MINPP1: variants seen among roughly 807,000 people sequenced by gnomAD.
MINPP1 encodes the protein multiple inositol polyphosphate phosphatase 1.
In MINPP1, 28 loss-of-function variants were observed where a neutral mutation model predicts 46.1. The observed-to-expected ratio is 0.61, with a 90% CI of 0.45 to 0.83. The LOEUF is 0.83. Among genes scored for constraint, MINPP1 ranks in the 40% least tolerant of loss-of-function variants. The pLI is 0.00. For synonymous variants in MINPP1, 268 were observed against 249.1 expected (o/e 1.08, Z -0.72); for missense variants, 603 against 610.0 (o/e 0.99, Z 0.12).
intron 4 of MINPP1, among the ~76,000 whole-genome samples, chr10:87,545,955 G>C (rs1165862832): frequency 2.0e-5 from 3 of 152,142 alleles, no homozygotes; most frequent in Middle Eastern, 3.2e-3. Context: ...TGATCATGTC[G>C]TGGGGCAAAA....
intron 4 of MINPP1, among the ~76,000 whole-genome samples, chr10:87,545,531 T>A (rs1277591976): frequency 6.6e-6 from 1 of 152,200 alleles, no homozygotes; most frequent in African/African-American, 2.4e-5. Context: ...GTTTTCTTTT[T>A]AAAAAATTTA....
intron 3 of MINPP1, among the ~76,000 whole-genome samples, chr10:87,519,021 A>G (rs1851455426): frequency 6.6e-6 from 1 of 152,136 alleles, no homozygotes; most frequent in Non-Finnish European, 1.5e-5. Flanking sequence ...CCAGAAAGGC[A>G]GGAAGATTAG....
chr10:87,511,222 G>A (rs1851329892), intron 2 of MINPP1, among the ~76,000 whole-genome samples: 1 of 152,054 alleles, frequency 6.6e-6, no homozygotes, highest in African/African-American at 2.4e-5. Context: ...CCCTTTGCTT[G>A]TTGTATGTTG....
chr10:87,541,192 A>G lies in MINPP1; in HGVS notation c.1068-10890A>G, dbSNP rs561505480. On this transcript the variant is annotated intron_variant, in intron 4 of 4. Transcript: ENST00000371996. ...CAAACACAGCTATTTAAGAAGGATT[A>G]TATATTAGCTCTTTGGAAGCTCTTT... is the stretch of plus-strand genomic sequence containing the variant. 4.6e-5 allele frequency among the ~76,000 whole-genome samples: 7 copies of G among 152,340 alleles called. No homozygotes were observed. The East Asian group carries it at 1.3e-3, about 29-fold the overall frequency.
chr10:87,530,048 G>A (rs1851635321), intron 4 of MINPP1, among the ~76,000 whole-genome samples: 1 of 152,142 alleles, frequency 6.6e-6, no homozygotes, highest in Non-Finnish European at 1.5e-5. Flanking sequence ...ATGGTTTTCA[G>A]CTCCATCAGG....
At chr10:87,526,806 C>T (rs190106195) in intron 4 of MINPP1, among the ~76,000 whole-genome samples, 404 of 152,296 alleles carry the variant, frequency 2.7e-3, no homozygotes, top group African/African-American at 9.5e-3. Context: ...ATAGGGAATC[C>T]TTTCCCCATT....
chr10:87,513,278 T>G, intron 3 of MINPP1, 57 bp downstream of exon 3: 1 of 1,252,862 alleles, frequency 8.0e-7, no homozygotes, highest in East Asian at 2.3e-5. Context: ...TTTGGCTTGC[T>G]TGTTTGCATT....
At chr10:87,550,738 C>G (rs1247762827) in intron 4 of MINPP1, among the ~76,000 whole-genome samples, 1 of 151,850 alleles carries the variant, frequency 6.6e-6, no homozygotes, top group Admixed American at 6.6e-5. Flanking sequence ...CCCCTCCCCC[C>G]ACTTTCATCT....
Position 87,537,497 on chromosome 10 carries a change from A to G in MINPP1, c.1068-14585A>G, listed in dbSNP as rs570856679. 1.3e-4 allele frequency among the ~76,000 whole-genome samples: 5 copies of G among 37,938 alleles called. No homozygotes were observed. In the South Asian group the frequency reaches 3.1e-3, roughly 23 times the overall value. The allele number at this position is 37,938 out of a possible 152,430, so 24.9% of individuals were successfully genotyped here. A position where few individuals can be genotyped will look rare whatever the true frequency, so the allele number is the denominator to read the frequency against. The stretch of plus-strand genomic sequence containing the variant: ...ATTTTGTGTGCTTTTTAATTGGGTT[A>G]TCTTTATTACTGTTTGTGTGTGTGT... On this transcript the variant is annotated intron_variant, in intron 4 of 4. Transcript: ENST00000371996.
intron 3 of MINPP1, among the ~76,000 whole-genome samples, chr10:87,514,691 G>C (rs963358588): frequency 2.0e-5 from 3 of 152,128 alleles, no homozygotes; most frequent in African/African-American, 7.2e-5. Flanking sequence ...CAGAAGGACT[G>C]ATGTCTGCTT....
At chr10:87,526,167 A>C (rs188093596) in intron 4 of MINPP1, among the ~76,000 whole-genome samples, 4,265 of 152,298 alleles carry the variant, frequency 0.028, 190 homozygotes, top group African/African-American at 0.092. Context: ...TTTACAGTCC[A>C]ACCAACAGTG....
chr10:87,540,023 C>T (rs1046851386), intron 4 of MINPP1, among the ~76,000 whole-genome samples: 8 of 152,280 alleles, frequency 5.3e-5, no homozygotes, highest in South Asian at 2.1e-4. Flanking sequence ...TGCGCCACAG[C>T]GCCTGGCTAA....
chr10:87,548,466 G>C (rs537946707), intron 4 of MINPP1, among the ~76,000 whole-genome samples: 1 of 152,186 alleles, frequency 6.6e-6, no homozygotes, highest in African/African-American at 2.4e-5. Context: ...ACTGAGTGCA[G>C]CTTATTTGCC....
chr10:87,527,223 G>C (rs1165352738), intron 4 of MINPP1, among the ~76,000 whole-genome samples: 1 of 152,062 alleles, frequency 6.6e-6, no homozygotes, highest in Non-Finnish European at 1.5e-5. Flanking sequence ...TTATTTCCTT[G>C]AGCAGTGGTT....
At chr10:87,532,867 A>G (rs915213044) in intron 4 of MINPP1, among the ~76,000 whole-genome samples, 2 of 152,204 alleles carry the variant, frequency 1.3e-5, no homozygotes, top group Admixed American at 6.5e-5. Context: ...GAGAGTTCCT[A>G]CTTACTGCTT....
At chr10:87,514,675 T>A (rs1245005950) in intron 3 of MINPP1, among the ~76,000 whole-genome samples, 1 of 152,218 alleles carries the variant, frequency 6.6e-6, no homozygotes, top group Non-Finnish European at 1.5e-5. Flanking sequence ...TCTCAGTGCA[T>A]CATATCAGAA....
intron 4 of MINPP1, among the ~76,000 whole-genome samples, chr10:87,526,924 T>C (rs1303992969): frequency 2.6e-5 from 4 of 152,214 alleles, no homozygotes; most frequent in Admixed American, 1.3e-4. Context: ...TTGGTACCAG[T>C]ACCATGCTGT....
At chr10:87,513,092 A>T in intron 2 of MINPP1, 32 bp from the exon 3 acceptor site, 1 of 1,524,890 alleles carries the variant, frequency 6.6e-7, no homozygotes, top group Non-Finnish European at 9.1e-7. Context: ...GAAAATAATG[A>T]CCCACAAAAT....
At chr10:87,539,711 T>A (rs1851785920) in intron 4 of MINPP1, among the ~76,000 whole-genome samples, 1 of 152,222 alleles carries the variant, frequency 6.6e-6, no homozygotes, top group Admixed American at 6.5e-5. Context: ...TTTAAGTTTT[T>A]ATGGACCACA....
Sources: allele counts gnomAD v4.1 joint callset (sites outside exome capture counted in the v4.1 genomes callset), GRCh38; gene constraint gnomAD v4.1.1; transcripts MANE v1.5; gene names NCBI Gene and HGNC (gene_info 2026-07-23, HGNC 2026-07-21).